Variants in DGKD observed in about 807,000 individuals in gnomAD.
DGKD encodes DAG kinase delta.
DGKD carries 68 observed loss-of-function variants against 154.4 expected under a neutral mutation model. The ratio of observed to expected loss-of-function variants is 0.44; its 90% CI spans 0.36 to 0.54. The LOEUF is 0.54. DGKD is among the 20% of genes least tolerant of loss of function. The pLI, the probability that DGKD is intolerant of heterozygous loss-of-function variation, is 0.00. For synonymous variants in DGKD, 693 were observed against 638.0 expected, an observed-to-expected ratio of 1.09 and a Z score of -1.30; for missense variants, 1,343 against 1,593.6, an observed-to-expected ratio of 0.84 and a Z score of 2.68.
At position 233,438,371 on chromosome 2, in the gene DGKD, A is replaced by G; in HGVS notation, c.1077A>G (p.Pro359=). ...AQVFDLMNGG[P]HLGLRLFQKF... is the part of the protein sequence containing the mutation. ...TCTTCGACCTCATGAACGGAGGCCC[A>G]CACCTCGGGTAGGAAGCTTGTAAAA... The change falls in exon 9 of 30, where the codon CCA becomes CCG. Residue 359 remains proline, a synonymous_variant. Coordinates refer to ENST00000264057, the MANE Select transcript of DGKD (RefSeq NM_152879.3). This position sits in a 1 kb window ranked among gnomAD's most constrained non-coding sequence, Gnocchi z 4.1. 6.2e-7 allele frequency: 1 copy of G among 1,611,772 alleles called. No individual in the cohort carries two copies. Among genetic ancestry groups the G allele is most frequent in the South Asian group, 1.1e-5 (1 of 90,876 alleles).
chr2:233,365,273 C>T (rs2125384960), intron 1 of DGKD, among the ~76,000 whole-genome samples: 1 of 151,980 alleles, frequency 6.6e-6, no homozygotes, highest in South Asian at 2.1e-4. Flanking sequence ...CTCTGTTGCC[C>T]AGACTGGAGT....
At chr2:233,435,423 T>C (rs763898758) in intron 5 of DGKD, among the ~76,000 whole-genome samples, 7 of 152,186 alleles carry the variant, frequency 4.6e-5, no homozygotes, top group African/African-American at 9.7e-5. Context: ...TTTTAAATGA[T>C]TGGAAAAAAT....
Position 233,446,776 on chromosome 2 carries a change from G to T in DGKD, c.1399G>T (p.Asp467Tyr). 1 of 1,614,228 alleles carries T rather than the reference G, an allele frequency of 6.2e-7. No homozygotes were observed. The highest frequency in any genetic ancestry group is 2.2e-5 in the East Asian group (1 of 44,882). Reference sequence around the variant, plus strand: ...GGCCTCCTCCTCTACCGTCACCGAAGACTTCAGCGAGGATTCCGAGGTATT... The same window carrying T: ...GGCCTCCTCCTCTACCGTCACCGAATACTTCAGCGAGGATTCCGAGGTATT... ...RQASSSTVTE[D>Y]FSEDSEVQQI... Residue 467 changes from aspartate (D) to tyrosine (Y), a missense_variant, in exon 12 of 30, where the codon GAC becomes TAC. Asp to Tyr is a radical substitution (Grantham distance 160). Around this residue, in one of 6 missense-constraint regions of DGKD, gnomAD observed 409 missense variants for 446.0 expected, o/e 0.92. Coordinates refer to ENST00000264057, the MANE Select transcript of DGKD (RefSeq NM_152879.3).
intron 1 of DGKD, among the ~76,000 whole-genome samples, chr2:233,359,330 A>G (rs1381942339): frequency 1.3e-5 from 2 of 152,200 alleles, no homozygotes; most frequent in Middle Eastern, 3.2e-3. Flanking sequence ...CTCAGTTTCC[A>G]TGTCTGTAAA....
chr2:233,456,116 T>A (rs550407405), intron 19 of DGKD, among the ~76,000 whole-genome samples: 8 of 152,228 alleles, frequency 5.3e-5, no homozygotes, highest in Non-Finnish European at 1.2e-4. Context: ...TTTGAAAAGT[T>A]CTCCTGAGAA....
In DGKD at chr2:233,370,294, ATC is replaced by A. The variant is rs147414925; in HGVS notation, c.156+15624_156+15625del. Among the ~76,000 whole-genome samples, 516 of 151,900 alleles carry A rather than the reference ATC, an allele frequency of 3.4e-3. 4 individuals are homozygous for A. Among genetic ancestry groups the A allele is most frequent in the African/African-American group, 0.012 (485 of 41,374 alleles). On this transcript the variant is annotated intron_variant, in intron 1 of 29. Coordinates refer to ENST00000264057, the MANE Select transcript of DGKD (RefSeq NM_152879.3). ...AGTGGCTCAATCTCAGCTCACTGCA[ATC>A]TCTGCCTCCCAGGTTCAAGCGATCC... is the stretch of plus-strand genomic sequence containing the variant.
Position 233,436,397 on chromosome 2 carries a change from G to A in DGKD, c.775G>A (p.Val259Met), listed in dbSNP as rs1426722739. Reference sequence around the variant, plus strand: ...TGTGTGCGACAAGACCTGTGGCAGTGTGCTGCGCCTGCAGGACTGGCGCTG... The same window carrying A: ...TGTGTGCGACAAGACCTGTGGCAGTATGCTGCGCCTGCAGGACTGGCGCTG... ...CTVCDKTCGS[V>M]LRLQDWRCLW... The change falls in exon 7 of 30, where the codon GTG becomes ATG. Residue 259 changes from valine (V) to methionine (M), a missense_variant. By Grantham distance (21) the Val-to-Met change is conservative. This residue lies in a region of DGKD where 332 missense variants were observed against 400.1 expected (regional missense o/e 0.83). Transcript: ENST00000264057. 2 of 1,614,000 alleles carry A rather than the reference G, an allele frequency of 1.2e-6. No individual in the cohort carries two copies. The highest frequency in any genetic ancestry group is 1.7e-6 in the Non-Finnish European group (2 of 1,180,042).
rs78533652 is a variant in DGKD at position 233,381,315 on chromosome 2, A to T, written c.157-6942A>T. 6.7e-3 allele frequency among the ~76,000 whole-genome samples: 1,028 copies of T among 152,346 alleles called. 15 individuals are homozygous for T. Among genetic ancestry groups the T allele is most frequent in the African/African-American group, 0.024 (985 of 41,568 alleles). On this transcript the variant is annotated intron_variant, in intron 1 of 29. Transcript: ENST00000264057. The stretch of plus-strand genomic sequence containing the variant: ...GTAAGTTGCAGGTAGTTCCTGAATG[A>T]GGATGAATCTGTGGGTAGTGTTTTG...
In DGKD at chr2:233,449,933, C is replaced by T. The variant is rs1363509399; in HGVS notation, c.1889-49C>T. On this transcript the variant is annotated intron_variant, in intron 15 of 29. Coordinates refer to ENST00000264057, the MANE Select transcript of DGKD (RefSeq NM_152879.3). This position sits in a 1 kb window ranked among gnomAD's most constrained non-coding sequence, Gnocchi z 5.3. The stretch of plus-strand genomic sequence containing the variant: ...GGCCCTCCACCCAGCCTGACAGCGC[C>T]CTTGGCTTTGCACCCGCGTGCTCAG... 1 of 1,527,252 alleles carries T rather than the reference C, an allele frequency of 6.5e-7. No individual in the cohort carries two copies. Among genetic ancestry groups the T allele is most frequent in the East Asian group, 2.3e-5 (1 of 43,164 alleles). 94.6% of individuals were successfully genotyped at this position (1,527,252 alleles called of 1,614,324 possible).
chr2:233,448,214 T>G (rs2063148844), intron 13 of DGKD, 33 bp downstream of exon 13: 1 of 1,613,878 alleles, frequency 6.2e-7, no homozygotes, highest in South Asian at 1.1e-5. Context: ...GAGGGCATGG[T>G]GCCCTGGCCC....
At chr2:233,437,585 G>C in intron 8 of DGKD, 106 bp downstream of exon 8, 3 of 1,113,008 alleles carry the variant, frequency 2.7e-6, no homozygotes, top group Non-Finnish European at 4.0e-6. Context: ...TGAGATGTCA[G>C]CAAGAGGTCA....
At position 233,458,408 on chromosome 2, in the gene DGKD, T is replaced by C. The variant is rs1375184872; in HGVS notation, c.2694+11T>C. 1 of 1,597,642 alleles carries C rather than the reference T, an allele frequency of 6.3e-7. No individual in the cohort carries two copies. The highest frequency in any genetic ancestry group is 1.7e-5 in the Admixed American group (1 of 59,950). On this transcript the variant is annotated intron_variant, in intron 22 of 29. Coordinates refer to ENST00000264057, the MANE Select transcript of DGKD (RefSeq NM_152879.3). The surrounding 1 kb of genome is among the most constrained non-coding windows in gnomAD (Gnocchi z 6.6). Reference sequence around the variant, plus strand: ...CATCGGATCGCCCAGGTAGTGGCCATGGTCCTGGGGTGTCTGGCCGAGTCC... The same window carrying C: ...CATCGGATCGCCCAGGTAGTGGCCACGGTCCTGGGGTGTCTGGCCGAGTCC...
chr2:233,411,604 A>G (rs2125515893), intron 3 of DGKD, among the ~76,000 whole-genome samples: 1 of 152,290 alleles, frequency 6.6e-6, no homozygotes, highest in East Asian at 1.9e-4. Context: ...TGTGTTGTGA[A>G]TGTTTTTCTC....
chr2:233,367,152 G>C lies in DGKD; in HGVS notation c.156+12478G>C, dbSNP rs550660874. ...TTGTTAAATTAGAACAGCTTCCACT[G>C]TTCTCTCTTCCCGTTCCCTACCTGC... On this transcript the variant is annotated intron_variant, in intron 1 of 29. Coordinates refer to ENST00000264057, the MANE Select transcript of DGKD (RefSeq NM_152879.3). Among the ~76,000 whole-genome samples, 353 of 151,322 alleles carry C rather than the reference G, an allele frequency of 2.3e-3. 2 individuals are homozygous for C. The highest frequency in any genetic ancestry group is 7.6e-3 in the African/African-American group (311 of 41,166).
chr2:233,454,386 C>T (rs759050810), intron 18 of DGKD: 6 of 473,186 alleles, frequency 1.3e-5, no homozygotes, highest in Admixed American at 9.4e-5. Context: ...AGCCCACGAC[C>T]GCATGATCCC....
At chr2:233,386,676 G>A (rs1325054981) in intron 1 of DGKD, among the ~76,000 whole-genome samples, 2 of 152,114 alleles carry the variant, frequency 1.3e-5, no homozygotes, top group Non-Finnish European at 2.9e-5. Context: ...GAGAGGGTGG[G>A]TGCCTTCTTC....
Position 233,441,216 on chromosome 2 carries a change from A to AG in DGKD, c.1086-666dup, listed in dbSNP as rs895766041. Among the ~76,000 whole-genome samples the AG allele has an allele frequency of 6.6e-6, 1 of 152,118 alleles. No homozygotes were observed. The highest frequency in any genetic ancestry group is 1.5e-5 in the Non-Finnish European group (1 of 68,018). ...AGTGGGGACGCTGCTGGGCAGGGGC[A>AG]GGGGGAGCCCAGGAAGGAAGGAAAC... On this transcript the variant is annotated intron_variant, in intron 9 of 29. Coordinates refer to ENST00000264057, the MANE Select transcript of DGKD (RefSeq NM_152879.3). This position sits in a 1 kb window ranked among gnomAD's most constrained non-coding sequence, Gnocchi z 5.6.
chr2:233,354,542 T>A lies in DGKD; in HGVS notation c.24T>A (p.Pro8=), dbSNP rs995107287. The A allele has an allele frequency of 7.5e-5, 75 of 999,200 alleles. No homozygotes were observed. Among genetic ancestry groups the A allele is most frequent in the Non-Finnish European group, 8.9e-5 (75 of 841,848 alleles). The allele number at this position is 999,200 out of a possible 1,614,324, so 61.9% of individuals were successfully genotyped here. A position where few individuals can be genotyped will look rare whatever the true frequency, so the allele number is the denominator to read the frequency against. Residue 8 remains proline (P), a synonymous_variant, in exon 1 of 30, where the codon CCT becomes CCA. Coordinates refer to ENST00000264057, the MANE Select transcript of DGKD (RefSeq NM_152879.3). This position sits in a 1 kb window ranked among gnomAD's most constrained non-coding sequence, Gnocchi z 4.8. ...GCATGGCGGCGGCGGCGGGCGCCCC[T>A]CCGCCGGGTCCCCCGCAACCGCCTC... MAAAAGA[P]PPGPPQPPPP...
At position 233,441,919 on chromosome 2, in the gene DGKD, G is replaced by A; in HGVS notation, c.1118G>A (p.Arg373Gln). 1 of 1,614,150 alleles carries A rather than the reference G, an allele frequency of 6.2e-7. No individual in the cohort carries two copies. The highest frequency in any genetic ancestry group is 8.5e-7 in the Non-Finnish European group (1 of 1,179,996). ...TTATTCCAGAAGTTTGACACATTCC[G>A]GATTCTGGTTTGTGGCGGGGATGGA... ...LRLFQKFDTF[R>Q]ILVCGGDGSV... The change falls in exon 10 of 30, where the codon CGG becomes CAG. Residue 373 changes from arginine to glutamine, a missense_variant. Arg to Gln is a conservative substitution (Grantham distance 43). Around this residue, in one of 6 missense-constraint regions of DGKD, gnomAD observed 56 missense variants for 111.1 expected, o/e 0.50. Transcript: ENST00000264057. The surrounding 1 kb of genome is among the most constrained non-coding windows in gnomAD (Gnocchi z 5.6).
Sources: allele counts gnomAD v4.1 joint callset (sites outside exome capture counted in the v4.1 genomes callset), GRCh38; gene constraint gnomAD v4.1.1; regional missense constraint gnomAD v4.1.1; non-coding constraint Gnocchi (gnomAD v3.1); transcripts MANE v1.5; gene names NCBI Gene and HGNC (gene_info 2026-07-23, HGNC 2026-07-21).